The following PSME3 variants were observed in gnomAD, a reference collection of about 807,000 sequenced individuals.
The protein encoded by PSME3 is proteasome activator complex subunit 3.
Under a neutral mutation model 38.3 loss-of-function variants are expected in PSME3, and 7 were observed. The ratio of observed to expected loss-of-function variants is 0.18; its 90% CI spans 0.10 to 0.34. The LOEUF is 0.34. Among genes scored for constraint, PSME3 ranks in the 10% least tolerant of loss-of-function variants. The pLI is 1.00. For synonymous variants in PSME3, 108 were observed against 105.7 expected (o/e 1.02, Z -0.13); for missense variants, 192 against 307.6 (o/e 0.62, Z 2.81).
At chr17:42,837,438 G>GC (rs1344237921) in intron 4 of PSME3, among the ~76,000 whole-genome samples, 2 of 152,074 alleles carry the variant, frequency 1.3e-5, no homozygotes, top group African/African-American at 4.8e-5. Flanking sequence ...GTCCACCTCG[G>GC]CCCCCCAAAT....
chr17:42,836,491 ATGTAT>A (rs1020035492), intron 4 of PSME3, among the ~76,000 whole-genome samples: 1 of 152,094 alleles, frequency 6.6e-6, no homozygotes, highest in African/African-American at 2.4e-5. Flanking sequence ...ATAATACTTA[ATGTAT>A]TGTGTTTCTG....
rs1484306787 is a variant in PSME3, at chr17:42,833,411, G to A, written c.-221G>A. ...TTGGCTGTGACGCAGTTTCCGGCGT[G>A]AGCGGCGAAAGCCGGGAGGGCGAGC... On this transcript the variant is annotated 5_prime_UTR_variant, in exon 1 of 11. Coordinates refer to ENST00000590720, the MANE Select transcript of PSME3 (RefSeq NM_005789.4). The A allele has an allele frequency of 1.7e-6, 1 of 603,890 alleles. No individual in the cohort carries two copies. The allele number at this position is 603,890 out of a possible 1,614,324, so 37.4% of individuals were successfully genotyped here.
rs770580081 is a variant in PSME3 at position 42,834,351 on chromosome 17, C to T, written c.50C>T (p.Ser17Phe). Reference sequence around the variant, plus strand: ...TCTCTTTGTTAATTTTAGGTTGATTCTTTCAGGGAGCGGATCACAAGTGAG... The same window carrying T: ...TCTCTTTGTTAATTTTAGGTTGATTTTTTCAGGGAGCGGATCACAAGTGAG... ...VDQEVKLKVDSFRERITSEAE... is the reference protein window; with the variant it reads ...VDQEVKLKVDFFRERITSEAE... The change falls in exon 2 of 11, where the codon TCT (serine) becomes TTT (phenylalanine). Residue 17 changes from serine (S) to phenylalanine (F), a missense_variant. Coordinates refer to ENST00000590720, the MANE Select transcript of PSME3 (RefSeq NM_005789.4). The T allele has an allele frequency of 6.2e-7, 1 of 1,613,884 alleles. No individual in the cohort carries two copies. The highest frequency in any genetic ancestry group is 8.5e-7 in the Non-Finnish European group (1 of 1,180,004).
chr17:42,839,548 A>T (rs191209303), intron 10 of PSME3, among the ~76,000 whole-genome samples, 168 bp downstream of exon 10: 2 of 152,296 alleles, frequency 1.3e-5, no homozygotes, highest in East Asian at 1.9e-4. Flanking sequence ...CTAGCAGGGT[A>T]TCTCTCTTTT....
In PSME3 at chr17:42,833,746, A is replaced by G. The variant is rs546281849; in HGVS notation, c.42+73A>G. The G allele has an allele frequency of 1.8e-5, 29 of 1,613,420 alleles. No homozygotes were observed. The African/African-American group carries it at 3.1e-4, about 17-fold the overall frequency. ...CAGTCTGACCGGCTTCCTACTCCCC[A>G]TGGCGTCTTTGTCTCCCTGGGGATA... On this transcript the variant is annotated intron_variant, in intron 1 of 10. Transcript: ENST00000590720.
chr17:42,834,281 G>A (rs775108407), intron 1 of PSME3, 63 bp from the exon 2 acceptor site: 3 of 1,611,664 alleles, frequency 1.9e-6, no homozygotes, highest in Admixed American at 3.4e-5. Flanking sequence ...GTTGGATTGG[G>A]ATTCTCCATC....
intron 6 of PSME3, among the ~76,000 whole-genome samples, chr17:42,838,509 TTTTGGCCATG>T (rs1336761867): frequency 6.6e-6 from 1 of 152,022 alleles, no homozygotes; most frequent in Non-Finnish European, 1.5e-5. Context: ...GGTTTCACCA[TTTTGGCCATG>T]GTTAGCCAGG....
At chr17:42,834,929 C>T in intron 4 of PSME3, 53 bp downstream of exon 4, 3 of 1,605,814 alleles carry the variant, frequency 1.9e-6, no homozygotes, top group South Asian at 2.2e-5. Flanking sequence ...CCTCTGTCCT[C>T]TGTTTCCTTG....
Position 42,833,639 on chromosome 17 carries a change from C to T in PSME3, c.8C>T (p.Ser3Leu), listed in dbSNP as rs777937543. The change falls in exon 1 of 11, where the codon TCG becomes TTG. Residue 3 changes from serine to leucine, a missense_variant. Coordinates refer to ENST00000590720, the MANE Select transcript of PSME3 (RefSeq NM_005789.4). ...ACACGGCCCGGCCCGGCCATGGCCT[C>T]GTTGCTGAAGGTGGATCAGGAAGTG... is the stretch of plus-strand genomic sequence containing the variant. MA[S>L]LLKVDQEVKL... 2 of 1,614,108 alleles carry T rather than the reference C, an allele frequency of 1.2e-6. No individual in the cohort carries two copies. The highest frequency in any genetic ancestry group is 1.3e-5 in the African/African-American group (1 of 74,948).
rs139362124 is a variant in PSME3 at position 42,838,570 on chromosome 17, G to A, written c.406-161G>A. ...TGACCTCAGGTGATCCACCCGCTTC[G>A]GGGTCCCAAATTGCTGGGATTACCG... On this transcript the variant is annotated intron_variant, in intron 6 of 10. Transcript: ENST00000590720. 8.5e-3 allele frequency: 6,280 copies of A among 741,534 alleles called. 41 individuals carry two copies. The highest frequency in any genetic ancestry group is 0.012 in the Non-Finnish European group (5,259 of 449,046). 45.9% of individuals were successfully genotyped at this position (741,534 alleles called of 1,614,324 possible). A position where few individuals can be genotyped will look rare whatever the true frequency, so the allele number is the denominator to read the frequency against.
chr17:42,834,398 A>G (rs373710285), intron 2 of PSME3, 22 bp downstream of exon 2: 118 of 1,613,376 alleles, frequency 7.3e-5, no homozygotes, highest in Non-Finnish European at 9.7e-5. Context: ...AAATAGAAAA[A>G]TGGTTGTTGG....
At position 42,833,479 on chromosome 17, in the gene PSME3, G is replaced by T. The variant is rs1274316551; in HGVS notation, c.-153G>T. 4.6e-6 allele frequency: 4 copies of T among 873,234 alleles called. No homozygotes were observed. Among genetic ancestry groups the T allele is most frequent in the Non-Finnish European group, 7.0e-6 (4 of 572,658 alleles). 54.1% of individuals were successfully genotyped at this position (873,234 alleles called of 1,614,324 possible). A position where few individuals can be genotyped will look rare whatever the true frequency, so the allele number is the denominator to read the frequency against. The stretch of plus-strand genomic sequence containing the variant: ...GCAGGCTGCCGGCGGGCGGGCGGAC[G>T]GCACAGAGGGAGGGAGCGAGCGAGC... On this transcript the variant is annotated 5_prime_UTR_variant, in exon 1 of 11. Transcript: ENST00000590720.
chr17:42,840,582 T>C (rs557248371), intron 10 of PSME3, among the ~76,000 whole-genome samples: 21 of 152,278 alleles, frequency 1.4e-4, no homozygotes, highest in African/African-American at 4.8e-4. Flanking sequence ...TACTCCAGCC[T>C]GGGCAACAAG....
At chr17:42,839,057 T>C in intron 8 of PSME3, 45 bp downstream of exon 8, 1 of 1,602,922 alleles carries the variant, frequency 6.2e-7, no homozygotes, top group Non-Finnish European at 8.5e-7. Context: ...GCTGATGAGG[T>C]GGTGGGCACC....
At position 42,837,717 on chromosome 17, in the gene PSME3, C is replaced by T. The variant is rs759145021; in HGVS notation, c.292+20C>T. The T allele has an allele frequency of 1.2e-6, 2 of 1,609,130 alleles. No individual in the cohort carries two copies. The highest frequency in any genetic ancestry group is 1.3e-5 in the African/African-American group (1 of 74,906). Reference sequence around the variant, plus strand: ...TCCAAGGTAAGAGGCACCCTTACCTCACCTCCCCTCACCCCATCCCTGACT... The same window carrying T: ...TCCAAGGTAAGAGGCACCCTTACCTTACCTCCCCTCACCCCATCCCTGACT... On this transcript the variant is annotated intron_variant, in intron 5 of 10. Transcript: ENST00000590720.
chr17:42,838,397 T>C (rs1250977882), intron 6 of PSME3, among the ~76,000 whole-genome samples, 192 bp downstream of exon 6: 1 of 152,114 alleles, frequency 6.6e-6, no homozygotes, highest in African/African-American at 2.4e-5. Flanking sequence ...AACCTCTGCC[T>C]CCTGGGTTCA....
chr17:42,837,958 ATAG>A (rs1217963849), intron 5 of PSME3, 132 bp from the exon 6 acceptor site: 1 of 975,274 alleles, frequency 1.0e-6, no homozygotes, highest in Non-Finnish European at 1.6e-6. Flanking sequence ...GTTGATTCTA[ATAG>A]TGGTGTCATG....
intron 5 of PSME3, 110 bp downstream of exon 5, chr17:42,837,807 T>C (rs2055481406): frequency 7.8e-7 from 1 of 1,282,434 alleles, no homozygotes; most frequent in Non-Finnish European, 1.1e-6. Context: ...CTAATCTTAC[T>C]TCCCAGAGGT....
At chr17:42,837,113 G>A (rs2045215589) in intron 4 of PSME3, among the ~76,000 whole-genome samples, 2 of 151,746 alleles carry the variant, frequency 1.3e-5, no homozygotes, top group Non-Finnish European at 2.9e-5. Context: ...GTGCAGTGGT[G>A]CAATCTCGGC....
Sources: gnomAD v4.1 joint callset for allele counts (sites outside exome capture counted in the v4.1 genomes callset) on GRCh38, gnomAD v4.1.1 for gene constraint, MANE v1.5 for transcripts, NCBI Gene and HGNC (gene_info 2026-07-23, HGNC 2026-07-21) for gene names.